Variants in SGIP1 observed in about 807,000 individuals in gnomAD.
SGIP1 encodes the protein SH3-containing GRB2-like protein 3-interacting protein 1.
A neutral mutation model predicts 107.5 loss-of-function variants in SGIP1; 38 were observed. The ratio of observed to expected loss-of-function variants is 0.35; its 90% CI spans 0.27 to 0.46. SGIP1 has a LOEUF of 0.46. Ranked by LOEUF, SGIP1 falls within the 20% of genes least tolerant of loss-of-function variation. The pLI is 1.00. For missense variants in SGIP1, 929 were observed against 1,019.5 expected, an observed-to-expected ratio of 0.91 and a Z score of 1.21; for synonymous variants, 365 against 366.1, an observed-to-expected ratio of 1.00 and a Z score of 0.03.
intron 1 of SGIP1, among the ~76,000 whole-genome samples, chr1:66,574,834 TTGA>T (rs146367451): frequency 0.031 from 4,777 of 152,270 alleles, 204 homozygotes; most frequent in African/African-American, 0.098. Flanking sequence ...GTGTATATAG[TTGA>T]TGTCAGATTG....
chr1:66,715,343 T>C (rs1225634914), intron 18 of SGIP1, among the ~76,000 whole-genome samples: 1 of 152,166 alleles, frequency 6.6e-6, no homozygotes, highest in Non-Finnish European at 1.5e-5. Flanking sequence ...TTTTGGATCC[T>C]TAAAGATAAG....
At chr1:66,646,614 A>G (rs1398443421) in intron 7 of SGIP1, among the ~76,000 whole-genome samples, 2 of 152,198 alleles carry the variant, frequency 1.3e-5, no homozygotes, top group East Asian at 3.9e-4. Context: ...GTTTCGCTAT[A>G]TATATTGGGC....
intron 1 of SGIP1, among the ~76,000 whole-genome samples, chr1:66,608,250 G>C (rs988117381): frequency 6.6e-6 from 1 of 152,286 alleles, no homozygotes; most frequent in East Asian, 1.9e-4. Flanking sequence ...AAAAGTACAT[G>C]GCAGGCATTT....
intron 1 of SGIP1, among the ~76,000 whole-genome samples, chr1:66,568,453 G>A (rs540509695): frequency 1.5e-3 from 231 of 152,058 alleles, no homozygotes; most frequent in African/African-American, 5.4e-3. Flanking sequence ...GAGACAATTT[G>A]ACTTATTTTC....
intron 9 of SGIP1, among the ~76,000 whole-genome samples, chr1:66,669,017 C>T (rs2083197607): frequency 1.3e-5 from 2 of 152,188 alleles, no homozygotes; most frequent in Non-Finnish European, 2.9e-5. Flanking sequence ...GTATGCCCAT[C>T]CAGCAGATAG....
At chr1:66,556,699 A>G (rs1393933193) in intron 1 of SGIP1, among the ~76,000 whole-genome samples, 1 of 151,690 alleles carries the variant, frequency 6.6e-6, no homozygotes, top group African/African-American at 2.4e-5. Context: ...TCTGATGCCA[A>G]CTGGACCCTG....
Position 66,747,429 on chromosome 1 carries a change from T to C in SGIP1, c.*4334T>C, listed in dbSNP as rs2094568108. On this transcript the variant is annotated 3_prime_UTR_variant, in exon 25 of 25. Transcript: ENST00000371037. Reference sequence around the variant, plus strand: ...ATCCCTATCTTTTTCTTAAAGTTACTCTGTTATACTATCTCAGTCTCAAAG... The same window carrying C: ...ATCCCTATCTTTTTCTTAAAGTTACCCTGTTATACTATCTCAGTCTCAAAG... The C allele has an allele frequency of 6.6e-6, 1 of 152,060 alleles. No homozygotes were observed. The highest frequency in any genetic ancestry group is 2.4e-5 in the African/African-American group (1 of 41,440). 9.4% of individuals were successfully genotyped at this position (152,060 alleles called of 1,614,324 possible). A position where few individuals can be genotyped will look rare whatever the true frequency, so the allele number is the denominator to read the frequency against.
chr1:66,694,511 T>C, intron 17 of SGIP1: 1 of 1,588,894 alleles, frequency 6.3e-7, no homozygotes, highest in Non-Finnish European at 8.5e-7. Context: ...GCAGGTATGG[T>C]GCTAGCCAAG....
intron 19 of SGIP1, among the ~76,000 whole-genome samples, chr1:66,728,515 T>G (rs2093860825): frequency 6.6e-6 from 1 of 152,222 alleles, no homozygotes; most frequent in South Asian, 2.1e-4. Context: ...GAGTGTAAAT[T>G]AATTCAACCA....
intron 1 of SGIP1, among the ~76,000 whole-genome samples, chr1:66,592,897 C>CTTTTTTTTTTTTTTTTTTTT (rs35762612): frequency 1.5e-3 from 87 of 56,360 alleles, no homozygotes; most frequent in Non-Finnish European, 1.9e-3. Flanking sequence ...TCTTCTTCTT[C>CTTTTTTTTTTTTTTTTTTTT]TTTTTTTTTT....
chr1:66,629,544 G>A (rs2073780456), intron 2 of SGIP1, among the ~76,000 whole-genome samples: 1 of 151,734 alleles, frequency 6.6e-6, no homozygotes, highest in African/African-American at 2.4e-5. Flanking sequence ...GATATCAATG[G>A]GTAGAATTAA....
intron 1 of SGIP1, among the ~76,000 whole-genome samples, chr1:66,541,938 A>T (rs1166144301): frequency 6.6e-6 from 1 of 152,212 alleles, no homozygotes; most frequent in Non-Finnish European, 1.5e-5. Context: ...GGAGTCTAGT[A>T]TATGATACCA....
chr1:66,739,609 C>T lies in SGIP1; in HGVS notation c.2234+72C>T, dbSNP rs190270206. Reference sequence around the variant, plus strand: ...GAGGTCACAGACTCCTTAGCACTTGCGTGTCCTGTAGGAGGAGATGACAGC... The same window carrying T: ...GAGGTCACAGACTCCTTAGCACTTGTGTGTCCTGTAGGAGGAGATGACAGC... On this transcript the variant is annotated intron_variant, in intron 22 of 24. Transcript: ENST00000371037. 2.1e-4 allele frequency: 318 copies of T among 1,486,988 alleles called. 1 individual carries two copies. The highest frequency in any genetic ancestry group is 1.1e-3 in the South Asian group (94 of 86,102). 92.1% of individuals were successfully genotyped at this position (1,486,988 alleles called of 1,614,324 possible). A position where few individuals can be genotyped will look rare whatever the true frequency, so the allele number is the denominator to read the frequency against.
intron 7 of SGIP1, among the ~76,000 whole-genome samples, chr1:66,657,165 G>A (rs2079964466): frequency 6.6e-6 from 1 of 152,046 alleles, no homozygotes; most frequent in South Asian, 2.1e-4. Context: ...AATAAAACTA[G>A]ACCCTATCTC....
At chr1:66,637,440 C>CGTGT (rs751840778) in intron 4 of SGIP1, among the ~76,000 whole-genome samples, 2 of 112,398 alleles carry the variant, frequency 1.8e-5, no homozygotes, top group Non-Finnish European at 3.5e-5. Context: ...CTAATAAAGC[C>CGTGT]GTGTGTGTGT....
At chr1:66,585,124 C>G (rs1900105) in intron 1 of SGIP1, among the ~76,000 whole-genome samples, 20,025 of 152,206 alleles carry the variant, frequency 0.13, 1,984 homozygotes, top group East Asian at 0.46. Context: ...CTGCTCTGTG[C>G]CTTTACCTCT....
At position 66,748,173 on chromosome 1, in the gene SGIP1, C is replaced by T. The variant is rs2094577840; in HGVS notation, c.*5078C>T. The T allele has an allele frequency of 6.6e-6, 1 of 151,870 alleles. No homozygotes were observed. The highest frequency in any genetic ancestry group is 2.4e-5 in the African/African-American group (1 of 41,406). 9.4% of individuals were successfully genotyped at this position (151,870 alleles called of 1,614,324 possible). A position where few individuals can be genotyped will look rare whatever the true frequency, so the allele number is the denominator to read the frequency against. ...CATGTGGAAAACAGTATCTAAATGC[C>T]ATTCTCTCACTTATGAATTAAATAT... On this transcript the variant is annotated 3_prime_UTR_variant, in exon 25 of 25. Transcript: ENST00000371037.
chr1:66,739,198 GCT>G (rs2094364989), intron 21 of SGIP1, 135 bp from the exon 22 acceptor site: 1 of 891,090 alleles, frequency 1.1e-6, no homozygotes, highest in Non-Finnish European at 1.7e-6. Context: ...GAAGCACCCA[GCT>G]CTCTCACAGC....
intron 5 of SGIP1, 113 bp from the exon 6 acceptor site, chr1:66,642,697 T>C (rs1571131122): frequency 1.3e-6 from 1 of 796,218 alleles, no homozygotes; most frequent in East Asian, 2.7e-5. Flanking sequence ...AAAAACTTCA[T>C]CTCCTAAAAG....
Sources: allele counts gnomAD v4.1 joint callset (sites outside exome capture counted in the v4.1 genomes callset), GRCh38; gene constraint gnomAD v4.1.1; transcripts MANE v1.5; gene names NCBI Gene and HGNC (gene_info 2026-07-23, HGNC 2026-07-21).